Variants in IQCM observed in about 807,000 individuals in gnomAD.
IQCM encodes IQ motif containing M, also known as IQ domain-containing protein M.
In IQCM, 45 loss-of-function variants were observed where a neutral mutation model predicts 57.6. The ratio of observed to expected loss-of-function variants is 0.78; its 90% CI spans 0.62 to 1.00. IQCM has a LOEUF of 1.00. Among genes scored for constraint, IQCM ranks in the 50% least tolerant of loss-of-function variants. The pLI, the probability that IQCM is intolerant of heterozygous loss-of-function variation, is 0.00. For synonymous variants in IQCM, 148 were observed against 158.9 expected, an observed-to-expected ratio of 0.93 and a Z score of 0.51; for missense variants, 468 against 511.6, an observed-to-expected ratio of 0.91 and a Z score of 0.82.
At chr4:149,586,467 A>C (rs1023801599) in intron 9 of IQCM, among the ~76,000 whole-genome samples, 1 of 151,526 alleles carries the variant, frequency 6.6e-6, no homozygotes, top group Non-Finnish European at 1.5e-5. Flanking sequence ...TTCATTCCTG[A>C]TATTGGTAAT....
chr4:149,745,446 C>G (rs149641271), intron 2 of IQCM, among the ~76,000 whole-genome samples: 33 of 152,240 alleles, frequency 2.2e-4, no homozygotes, highest in African/African-American at 7.9e-4. Flanking sequence ...GTAATTATGG[C>G]AACAGCATAC....
At chr4:149,807,096 T>C (rs1774152685) in intron 2 of IQCM, among the ~76,000 whole-genome samples, 1 of 151,834 alleles carries the variant, frequency 6.6e-6, no homozygotes, top group Non-Finnish European at 1.5e-5. Flanking sequence ...CAAAACAATC[T>C]ACATATCCAA....
At chr4:149,601,960 G>T (rs1462807816) in intron 8 of IQCM, among the ~76,000 whole-genome samples, 2 of 150,704 alleles carry the variant, frequency 1.3e-5, no homozygotes, top group Non-Finnish European at 3.0e-5. Flanking sequence ...AGGCTGAGGC[G>T]GGAGAATGGC....
chr4:149,364,384 G>C (rs994885951), intron 13 of IQCM, among the ~76,000 whole-genome samples: 1 of 152,172 alleles, frequency 6.6e-6, no homozygotes. Context: ...ATACTGCTGA[G>C]TTTCCCAAGG....
intron 12 of IQCM, among the ~76,000 whole-genome samples, chr4:149,437,416 T>A (rs901060623): frequency 1.3e-5 from 2 of 152,130 alleles, no homozygotes; most frequent in African/African-American, 4.8e-5. Flanking sequence ...AAACTGATGA[T>A]GGCCCTCTCA....
At chr4:149,641,530 T>C (rs192263819) in intron 7 of IQCM, among the ~76,000 whole-genome samples, 26 of 152,300 alleles carry the variant, frequency 1.7e-4, no homozygotes, top group Non-Finnish European at 3.2e-4. Flanking sequence ...TTAAAGTTTG[T>C]GTGTTTTCTC....
intron 12 of IQCM, among the ~76,000 whole-genome samples, chr4:149,447,579 T>C (rs891067084): frequency 2.0e-5 from 3 of 151,324 alleles, no homozygotes; most frequent in Admixed American, 1.3e-4. Flanking sequence ...AACATACCAG[T>C]GAAAACTCTG....
chr4:149,772,396 G>A (rs996232274), intron 2 of IQCM, among the ~76,000 whole-genome samples: 1 of 152,060 alleles, frequency 6.6e-6, no homozygotes, highest in Admixed American at 6.5e-5. Context: ...TATATTTCAT[G>A]CATAAATACA....
chr4:149,586,603 C>T (rs950212495), intron 9 of IQCM, among the ~76,000 whole-genome samples: 11 of 151,302 alleles, frequency 7.3e-5, no homozygotes, highest in African/African-American at 2.4e-4. Flanking sequence ...TATTTCATTG[C>T]TTTCTGTTCT....
intron 13 of IQCM, among the ~76,000 whole-genome samples, chr4:149,356,649 C>T (rs1263486586): frequency 2.6e-5 from 4 of 152,042 alleles, no homozygotes; most frequent in Non-Finnish European, 5.9e-5. Context: ...TTACTGTAGC[C>T]TTGTAGTATA....
intron 2 of IQCM, among the ~76,000 whole-genome samples, chr4:149,745,201 T>C (rs1767812882): frequency 6.6e-6 from 1 of 152,128 alleles, no homozygotes; most frequent in Non-Finnish European, 1.5e-5. Flanking sequence ...AGAATACTCG[T>C]AGTCTGGGGG....
At chr4:149,578,463 A>G (rs765276137) in intron 9 of IQCM, among the ~76,000 whole-genome samples, 10 of 151,746 alleles carry the variant, frequency 6.6e-5, no homozygotes, top group Non-Finnish European at 1.5e-4. Context: ...CAGAGTTGTC[A>G]ATTTTTATCT....
intron 7 of IQCM, among the ~76,000 whole-genome samples, chr4:149,634,797 TTTGA>T (rs1757587543): frequency 6.6e-6 from 1 of 152,220 alleles, no homozygotes; most frequent in South Asian, 2.1e-4. Context: ...GGTGATGTAT[TTTGA>T]TTGTGCTTTA....
intron 2 of IQCM, among the ~76,000 whole-genome samples, chr4:149,792,579 T>C (rs1489971541): frequency 1.3e-5 from 2 of 152,132 alleles, no homozygotes; most frequent in Non-Finnish European, 2.9e-5. Flanking sequence ...TTCTGTCCAG[T>C]CATTTCCAAA....
chr4:149,423,866 T>A (rs1560823110), intron 13 of IQCM, among the ~76,000 whole-genome samples: 1 of 151,988 alleles, frequency 6.6e-6, no homozygotes, highest in South Asian at 2.1e-4. Flanking sequence ...ATGGTAAATT[T>A]ATATTTTATT....
intron 2 of IQCM, among the ~76,000 whole-genome samples, chr4:149,798,295 T>C (rs1009371527): frequency 2.6e-5 from 4 of 151,932 alleles, no homozygotes; most frequent in Non-Finnish European, 2.9e-5. Flanking sequence ...GGTTATAAAA[T>C]AGTATTTGCA....
chr4:149,650,205 C>T (rs1337897899), intron 7 of IQCM, among the ~76,000 whole-genome samples: 1 of 151,970 alleles, frequency 6.6e-6, no homozygotes, highest in Non-Finnish European at 1.5e-5. Flanking sequence ...GTTTTATGTC[C>T]TTATAACAAG....
At chr4:149,759,604 A>G (rs535390396) in intron 2 of IQCM, among the ~76,000 whole-genome samples, 1 of 152,302 alleles carries the variant, frequency 6.6e-6, no homozygotes. Context: ...GGAAATCTCT[A>G]TACTTTCCTC....
chr4:149,781,405 A>G (rs1771592536), intron 2 of IQCM, among the ~76,000 whole-genome samples: 1 of 152,208 alleles, frequency 6.6e-6, no homozygotes, highest in Non-Finnish European at 1.5e-5. Context: ...TGTCCAGCAT[A>G]TATATGCTAC....
Sources: gnomAD v4.1 joint callset for allele counts (sites outside exome capture counted in the v4.1 genomes callset) on GRCh38, gnomAD v4.1.1 for gene constraint, MANE v1.5 for transcripts, NCBI Gene and HGNC (gene_info 2026-07-23, HGNC 2026-07-21) for gene names.